The following MYH9 variants were observed in gnomAD, a reference collection of about 807,000 sequenced individuals.
The protein encoded by MYH9 is myosin heavy chain 9.
A neutral mutation model predicts 241.9 loss-of-function variants in MYH9; 29 were observed. That is an observed-to-expected ratio of 0.12 (90% CI 0.09 to 0.16). MYH9 has a LOEUF of 0.16. MYH9 is among the 10% of genes least tolerant of loss of function. The probability of loss-of-function intolerance (pLI) is 1.00; values close to 1 mark genes in which losing one functional copy is unlikely to be tolerated. For missense variants in MYH9, 1,803 were observed against 2,595.5 expected, an observed-to-expected ratio of 0.69 and a Z score of 6.63; for synonymous variants, 1,047 against 1,062.6, an observed-to-expected ratio of 0.99 and a Z score of 0.29.
intron 1 of MYH9, among the ~76,000 whole-genome samples, chr22:36,356,489 G>A (rs1331098762): frequency 4.1e-5 from 6 of 146,774 alleles, no homozygotes; most frequent in Admixed American, 3.5e-4. Context: ...GCTGAGGCAC[G>A]AGAATCGCTT....
chr22:36,383,656 TA>T lies in MYH9; in HGVS notation c.-20+4150del, dbSNP rs201404611. ...GGGAGTTAAGACTGATCATTTATATTAAAAAAAAAGGGGGGGGGGTGCCAGG... is the reference window on the plus strand; with the variant it reads ...GGGAGTTAAGACTGATCATTTATATTAAAAAAAAGGGGGGGGGGTGCCAGG... On this transcript the variant is annotated intron_variant, in intron 1 of 40. Coordinates refer to ENST00000216181, the MANE Select transcript of MYH9 (RefSeq NM_002473.6). 7.5e-4 allele frequency among the ~76,000 whole-genome samples: 76 copies of T among 100,982 alleles called. 2 individuals carry two copies. The South Asian group carries it at 0.01, about 14-fold the overall frequency. The allele number at this position is 100,982 out of a possible 152,430, so 66.2% of individuals were successfully genotyped here. A position where few individuals can be genotyped will look rare whatever the true frequency, so the allele number is the denominator to read the frequency against.
In MYH9 at chr22:36,345,979, T is replaced by TAA. The variant is rs1404836067; in HGVS notation, c.333+2924_333+2925insTT. ...CTGGCCAATATGGGGAAACCCCGTC[T>TAA]TTACTAAAAATACAAAAATTAGCCG... On this transcript the variant is annotated intron_variant, in intron 2 of 40. Transcript: ENST00000216181. Among the ~76,000 whole-genome samples, 40 of 152,210 alleles carry TAA rather than the reference T, an allele frequency of 2.6e-4. 1 individual carries two copies. In the South Asian group the frequency reaches 7.1e-3, roughly 27 times the overall value.
intron 3 of MYH9, among the ~76,000 whole-genome samples, chr22:36,332,132 C>T (rs866089492): frequency 3.9e-5 from 6 of 152,142 alleles, no homozygotes; most frequent in South Asian, 2.1e-4. Context: ...CATCGAACAC[C>T]CCTATGAGCA....
intron 12 of MYH9, 104 bp from the exon 13 acceptor site, chr22:36,314,422 C>T (rs2017117114): frequency 7.2e-7 from 1 of 1,391,846 alleles, no homozygotes; most frequent in Non-Finnish European, 1.0e-6. Context: ...GAAGGGCCTC[C>T]TTGGGCACCT....
At position 36,304,006 on chromosome 22, in the gene MYH9, G is replaced by A; in HGVS notation, c.2379C>T (p.Tyr793=). Residue 793 remains tyrosine, a synonymous_variant, in exon 19 of 41, where the codon TAC becomes TAT. Coordinates refer to ENST00000216181, the MANE Select transcript of MYH9 (RefSeq NM_002473.6). ...CTCCCGGGACTCACTTCCTGGCCAG[G>A]TAGCCCCTGCAGCAGGCCTGGAACC... ...IIGFQACCRG[Y]LARKAFAKRQ... 6.2e-7 allele frequency: 1 copy of A among 1,613,538 alleles called. No homozygotes were observed.
At chr22:36,345,881 G>A (rs2017668891) in intron 2 of MYH9, among the ~76,000 whole-genome samples, 1 of 152,196 alleles carries the variant, frequency 6.6e-6, no homozygotes, top group Non-Finnish European at 1.5e-5. Flanking sequence ...GGGCGTGGTG[G>A]CTCACGCCTG....
In MYH9 at chr22:36,300,797, C is replaced by T. The variant is rs980144076; in HGVS notation, c.2838+54G>A. ...TCCCAGCTCCTGGTTCCTGCTCCTC[C>T]GCCCCGCCCTGCCCCTCCGGCGCCA... On this transcript the variant is annotated intron_variant, in intron 22 of 40. Coordinates refer to ENST00000216181, the MANE Select transcript of MYH9 (RefSeq NM_002473.6). The surrounding 1 kb of genome is among the most constrained non-coding windows in gnomAD (Gnocchi z 5.0). The T allele has an allele frequency of 3.3e-5, 52 of 1,588,716 alleles. No individual in the cohort carries two copies. In the African/African-American group the frequency reaches 3.6e-4, roughly 11 times the overall value.
At position 36,303,784 on chromosome 22, in the gene MYH9, C is replaced by CAAA. The variant is rs56983008; in HGVS notation, c.2390+208_2390+210dup. ...TGGGCGACAGAGTGAGACTCCGTCT[C>CAAA]AAAAAAAAAAAAAAAAAAAGAAAAA... On this transcript the variant is annotated intron_variant, in intron 19 of 40. Transcript: ENST00000216181. Among the ~76,000 whole-genome samples, 7 of 48,412 alleles carry CAAA rather than the reference C, an allele frequency of 1.4e-4. 2 individuals are homozygous for CAAA. Among genetic ancestry groups the CAAA allele is most frequent in the Non-Finnish European group, 3.1e-4 (7 of 22,850 alleles). The allele number at this position is 48,412 out of a possible 152,430, so 31.8% of individuals were successfully genotyped here.
intron 24 of MYH9, among the ~76,000 whole-genome samples, chr22:36,297,972 G>A (rs1390522857): frequency 6.6e-6 from 1 of 152,150 alleles, no homozygotes; most frequent in African/African-American, 2.4e-5. Context: ...TTTCATGTCT[G>A]TCCATCTGGT....
At chr22:36,346,151 CAAAAAA>C (rs56232061) in intron 2 of MYH9, among the ~76,000 whole-genome samples, 6 of 121,284 alleles carry the variant, frequency 4.9e-5, no homozygotes, top group African/African-American at 1.8e-4. Flanking sequence ...GACTCCGTCT[CAAAAAA>C]AAAAAAAAAA....
rs2016798446 is a variant in MYH9, at chr22:36,296,967, G to A, written c.3148C>T (p.Arg1050Cys). The A allele has an allele frequency of 2.5e-6, 4 of 1,614,120 alleles. No homozygotes were observed. Among genetic ancestry groups the A allele is most frequent in the South Asian group, 1.1e-5 (1 of 91,080 alleles). ...EKQRQELEKT[R>C]RKLEGDSTDL... Reference sequence around the variant, plus strand: ...GTGGAGTCTCCCTCCAGCTTCCGGCGGGTCTTCTCCAGCTCCTGTCGCTGC... The same window carrying A: ...GTGGAGTCTCCCTCCAGCTTCCGGCAGGTCTTCTCCAGCTCCTGTCGCTGC... Residue 1050 changes from arginine (R) to cysteine (C), a missense_variant, in exon 25 of 41, where the codon CGC becomes TGC. Physicochemically the swap from Arg to Cys is radical, Grantham distance 180. Around this residue, in one of 11 missense-constraint regions of MYH9, gnomAD observed 290 missense variants for 360.5 expected, o/e 0.80. Transcript: ENST00000216181.
intron 5 of MYH9, among the ~76,000 whole-genome samples, chr22:36,324,682 CA>C (rs1158360959): frequency 6.6e-6 from 1 of 152,262 alleles, no homozygotes; most frequent in Non-Finnish European, 1.5e-5. Context: ...TGGAAAATCA[CA>C]GCACAGCTTC....
intron 1 of MYH9, among the ~76,000 whole-genome samples, chr22:36,364,613 G>A (rs765323758): frequency 2.0e-5 from 3 of 152,008 alleles, no homozygotes; most frequent in Non-Finnish European, 4.4e-5. Flanking sequence ...CTGCCTCACT[G>A]ATAACTATAT....
chr22:36,374,640 G>A (rs577539073), intron 1 of MYH9, among the ~76,000 whole-genome samples: 1 of 152,354 alleles, frequency 6.6e-6, no homozygotes, highest in Non-Finnish European at 1.5e-5. Flanking sequence ...CACACAACCA[G>A]AGGGCGCAGG....
chr22:36,299,799 G>A (rs1264712255), intron 23 of MYH9, among the ~76,000 whole-genome samples: 1 of 152,206 alleles, frequency 6.6e-6, no homozygotes, highest in East Asian at 1.9e-4. Context: ...GAGCCACCAA[G>A]GTGTCCCCAA....
At chr22:36,302,993 C>T (rs778119170) in intron 19 of MYH9, among the ~76,000 whole-genome samples, 1 of 152,162 alleles carries the variant, frequency 6.6e-6, no homozygotes, top group Non-Finnish European at 1.5e-5. Context: ...CTGAGCGTGA[C>T]CCTTGGTGAT....
At chr22:36,387,285 G>A (rs1244893142) in intron 1 of MYH9, among the ~76,000 whole-genome samples, 2 of 152,234 alleles carry the variant, frequency 1.3e-5, no homozygotes, top group Non-Finnish European at 1.5e-5. Context: ...GACTCAGGAG[G>A]ACGCCCTGAC....
intron 3 of MYH9, among the ~76,000 whole-genome samples, chr22:36,332,404 C>T (rs2017435325): frequency 6.6e-6 from 1 of 152,162 alleles, no homozygotes; most frequent in African/African-American, 2.4e-5. Context: ...AGGAGGAAGC[C>T]CCTTCCGTCG....
intron 34 of MYH9, among the ~76,000 whole-genome samples, chr22:36,287,971 C>G (rs2016616727): frequency 6.6e-6 from 1 of 152,192 alleles, no homozygotes; most frequent in African/African-American, 2.4e-5. Flanking sequence ...TAAGTGAGAC[C>G]TTCTTGAACT....
Sources: allele counts gnomAD v4.1 joint callset (sites outside exome capture counted in the v4.1 genomes callset), GRCh38; gene constraint gnomAD v4.1.1; regional missense constraint gnomAD v4.1.1; non-coding constraint Gnocchi (gnomAD v3.1); transcripts MANE v1.5; gene names NCBI Gene and HGNC (gene_info 2026-07-23, HGNC 2026-07-21).